Variants in FAM168A observed in about 807,000 individuals in gnomAD.
The protein encoded by FAM168A is protein FAM168A.
FAM168A carries 3 observed loss-of-function variants against 28.5 expected under a neutral mutation model. That is an observed-to-expected ratio of 0.11 (90% CI 0.05 to 0.27). The LOEUF is 0.27. Ranked by LOEUF, FAM168A falls within the 10% of genes least tolerant of loss-of-function variation. FAM168A has a pLI of 1.00. For synonymous variants in FAM168A, 122 were observed against 124.2 expected (o/e 0.98, Z 0.12); for missense variants, 222 against 311.5 (o/e 0.71, Z 2.16).
At chr11:73,509,601 C>T (rs190140100) in intron 1 of FAM168A, among the ~76,000 whole-genome samples, 1 of 152,078 alleles carries the variant, frequency 6.6e-6, no homozygotes, top group East Asian at 1.9e-4. Context: ...AGTTCTATAC[C>T]CAACTGCTGT....
At chr11:73,583,060 C>T (rs1944267232) in intron 1 of FAM168A, among the ~76,000 whole-genome samples, 2 of 152,022 alleles carry the variant, frequency 1.3e-5, no homozygotes, top group African/African-American at 4.8e-5. Flanking sequence ...GTCCCAGCAC[C>T]TTGGGAGGCC....
intron 1 of FAM168A, among the ~76,000 whole-genome samples, chr11:73,543,689 T>G (rs1247850446): frequency 1.3e-5 from 2 of 152,158 alleles, no homozygotes; most frequent in African/African-American, 4.8e-5. Flanking sequence ...CTGATAGAAG[T>G]AACCAAAAGA....
At chr11:73,450,230 G>A (rs1867402171) in intron 2 of FAM168A, among the ~76,000 whole-genome samples, 1 of 152,200 alleles carries the variant, frequency 6.6e-6, no homozygotes, top group East Asian at 1.9e-4. Context: ...TGCTTCTAAA[G>A]CTGTTTTGAA....
intron 2 of FAM168A, among the ~76,000 whole-genome samples, chr11:73,457,188 G>A (rs1867547814): frequency 6.6e-6 from 1 of 151,848 alleles, no homozygotes; most frequent in Non-Finnish European, 1.5e-5. Context: ...AGAAGTTTGA[G>A]ATCAGCCTAG....
intron 1 of FAM168A, among the ~76,000 whole-genome samples, chr11:73,582,052 G>A (rs1382231826): frequency 3.3e-5 from 5 of 151,930 alleles, no homozygotes; most frequent in Admixed American, 1.3e-4. Flanking sequence ...TATTGCATCT[G>A]GAGCTCCTTG....
At chr11:73,468,211 T>C (rs1009083360) in intron 2 of FAM168A, among the ~76,000 whole-genome samples, 194 bp downstream of exon 2, 3 of 152,240 alleles carry the variant, frequency 2.0e-5, no homozygotes, top group African/African-American at 2.4e-5. Context: ...CCTGGTATTA[T>C]TGTAGAACAA....
At chr11:73,475,139 A>C (rs1180143052) in intron 1 of FAM168A, among the ~76,000 whole-genome samples, 1 of 152,182 alleles carries the variant, frequency 6.6e-6, no homozygotes, top group African/African-American at 2.4e-5. Context: ...TATGACCATT[A>C]AATGACAAGC....
intron 1 of FAM168A, among the ~76,000 whole-genome samples, chr11:73,511,437 C>G (rs1209794411): frequency 6.6e-6 from 1 of 151,930 alleles, no homozygotes; most frequent in Non-Finnish European, 1.5e-5. Flanking sequence ...GGGGTTTCAC[C>G]TGTGTTAGCC....
intron 2 of FAM168A, among the ~76,000 whole-genome samples, chr11:73,457,723 C>CAAAAAAAAAAAAAA (rs58142151): frequency 4.5e-3 from 170 of 37,456 alleles, no homozygotes; most frequent in Middle Eastern, 0.036. Flanking sequence ...GCCTGGGTGA[C>CAAAAAAAAAAAAAA]AAAAAAAAAA....
Position 73,411,477 on chromosome 11 carries a change from G to C in FAM168A, c.337C>G (p.Pro113Ala). ...PPTQSNTAPP[P>A]YSPSPNPYQT... The stretch of plus-strand genomic sequence containing the variant: ...TAGGGGTTGGGTGATGGGGAGTAGG[G>C]GGGTGGAGCAGTGTTACTCTGGGTC... Residue 113 changes from proline (P) to alanine (A), a missense_variant, in exon 5 of 8, where the codon CCC becomes GCC. Pro to Ala is a conservative substitution (Grantham distance 27). Around this residue, in one of 3 missense-constraint regions of FAM168A, gnomAD observed 153 missense variants for 189.2 expected, o/e 0.81. Coordinates refer to ENST00000356467, the MANE Select transcript of FAM168A (RefSeq NM_015159.3). 1 of 1,613,888 alleles carries C rather than the reference G, an allele frequency of 6.2e-7. No homozygotes were observed.
At chr11:73,431,549 G>A (rs1048061926) in intron 2 of FAM168A, among the ~76,000 whole-genome samples, 5 of 151,994 alleles carry the variant, frequency 3.3e-5, no homozygotes, top group Admixed American at 6.6e-5. Context: ...ATTTAACAAC[G>A]GGCTCGAAGG....
intron 1 of FAM168A, among the ~76,000 whole-genome samples, chr11:73,481,864 G>C (rs1181155907): frequency 6.6e-6 from 1 of 152,174 alleles, no homozygotes; most frequent in African/African-American, 2.4e-5. Context: ...GAGGTCTTCA[G>C]GTCATAAAGG....
At chr11:73,529,481 G>C (rs1943489521) in intron 1 of FAM168A, among the ~76,000 whole-genome samples, 1 of 152,228 alleles carries the variant, frequency 6.6e-6, no homozygotes, top group Non-Finnish European at 1.5e-5. Context: ...TATGTGCAAA[G>C]CACCTACCCT....
chr11:73,469,352 C>A (rs1385302597), intron 1 of FAM168A, among the ~76,000 whole-genome samples: 1 of 152,184 alleles, frequency 6.6e-6, no homozygotes, highest in Admixed American at 6.5e-5. Context: ...ATTATTTACA[C>A]ATCATAAAAA....
chr11:73,408,194 C>A (rs1349424070), intron 6 of FAM168A, among the ~76,000 whole-genome samples: 1 of 152,150 alleles, frequency 6.6e-6, no homozygotes, highest in African/African-American at 2.4e-5. Context: ...TCTTTGTATG[C>A]TTCTCTTATT....
intron 1 of FAM168A, among the ~76,000 whole-genome samples, chr11:73,547,727 T>C (rs1361437583): frequency 1.3e-5 from 2 of 151,992 alleles, no homozygotes; most frequent in Admixed American, 6.6e-5. Flanking sequence ...TTTCTAGATA[T>C]ACATCCAAAA....
chr11:73,539,622 C>G (rs1943628935), intron 1 of FAM168A, among the ~76,000 whole-genome samples: 1 of 152,188 alleles, frequency 6.6e-6, no homozygotes, highest in Non-Finnish European at 1.5e-5. Context: ...GCTACACTCT[C>G]AGGACTAAGA....
At chr11:73,588,544 T>C (rs1006434123) in intron 1 of FAM168A, among the ~76,000 whole-genome samples, 3 of 151,680 alleles carry the variant, frequency 2.0e-5, no homozygotes, top group Non-Finnish European at 4.4e-5. Flanking sequence ...CTACAAAAAT[T>C]AGCAAGACAC....
At position 73,407,564 on chromosome 11, in the gene FAM168A, G is replaced by A; in HGVS notation, c.675C>T (p.Thr225=). 1 of 1,606,308 alleles carries A rather than the reference G, an allele frequency of 6.2e-7. No individual in the cohort carries two copies. The highest frequency in any genetic ancestry group is 1.7e-4 in the Middle Eastern group (1 of 6,036). ...VSMPTYRAQG[T]PAYSYVPPHW is the part of the protein sequence containing the mutation. Reference sequence around the variant, plus strand: ...GTGGGGGCACGTAGCTGTACGCAGGGGTTCCTTGGGCCCTATATGTTGGCA... The same window carrying A: ...GTGGGGGCACGTAGCTGTACGCAGGAGTTCCTTGGGCCCTATATGTTGGCA... The change falls in exon 7 of 8, where the codon ACC becomes ACT. Residue 225 remains threonine (T), a synonymous_variant. Coordinates refer to ENST00000356467, the MANE Select transcript of FAM168A (RefSeq NM_015159.3).
Sources: gnomAD v4.1 joint callset for allele counts (sites outside exome capture counted in the v4.1 genomes callset) on GRCh38, gnomAD v4.1.1 for gene constraint, gnomAD v4.1.1 regional missense constraint, MANE v1.5 for transcripts, NCBI Gene and HGNC (gene_info 2026-07-23, HGNC 2026-07-21) for gene names.